The following ACACB variants were observed in gnomAD, a reference collection of about 807,000 sequenced individuals.
ACACB encodes acetyl-CoA carboxylase beta, also known as acetyl-CoA carboxylase 2.
ACACB carries 209 observed loss-of-function variants against 278.8 expected under a neutral mutation model. That is an observed-to-expected ratio of 0.75 (90% CI 0.67 to 0.84). The LOEUF is 0.84. Among genes scored for constraint, ACACB ranks in the 40% least tolerant of loss-of-function variants. The pLI, the probability that ACACB is intolerant of heterozygous loss-of-function variation, is 0.00. For synonymous variants in ACACB, 1,174 were observed against 1,285.6 expected (o/e 0.91, Z 1.86); for missense variants, 2,850 against 3,269.0 (o/e 0.87, Z 3.13).
chr12:109,222,746 C>A, intron 25 of ACACB, 53 bp from the exon 26 acceptor site: 1 of 1,569,128 alleles, frequency 6.4e-7, no homozygotes, highest in Non-Finnish European at 8.8e-7. Flanking sequence ...GAGCCTCTGC[C>A]TTCTGCCCTG....
chr12:109,138,810 G>A (rs866587298), intron 1 of ACACB, among the ~76,000 whole-genome samples: 9 of 152,084 alleles, frequency 5.9e-5, no homozygotes, highest in Non-Finnish European at 1.0e-4. Flanking sequence ...CAGAGATTGC[G>A]GCACTGCACT....
At chr12:109,114,044 G>A (rs1368801727), upstream of ACACB, among the ~76,000 whole-genome samples, 1 of 152,022 alleles carries the variant, frequency 6.6e-6, no homozygotes, top group Non-Finnish European at 1.5e-5. Flanking sequence ...CAGTGACTCA[G>A]TCATGGCTCA....
chr12:109,226,448 C>G (rs1210215926), intron 27 of ACACB, among the ~76,000 whole-genome samples: 1 of 152,044 alleles, frequency 6.6e-6, no homozygotes, highest in Non-Finnish European at 1.5e-5. Flanking sequence ...GCCTGTAATC[C>G]CAGCACTTTG....
At chr12:109,251,140 T>C (rs1046210057) in intron 41 of ACACB, among the ~76,000 whole-genome samples, 4 of 152,218 alleles carry the variant, frequency 2.6e-5, no homozygotes, top group African/African-American at 9.6e-5. Flanking sequence ...TTAGCATGCA[T>C]GCTTGAGCCC....
rs528245074 is a variant in ACACB at position 109,266,171 on chromosome 12, C to T, written c.7251-65C>T. ...GGTGTGGCCCCACACAAGGACTCTG[C>T]CACCCTTGGGGCCACTGAAAAAGTG... is the stretch of plus-strand genomic sequence containing the variant. On this transcript the variant is annotated intron_variant, in intron 52 of 52. Transcript: ENST00000338432. The T allele has an allele frequency of 1.4e-4, 220 of 1,564,310 alleles. 2 individuals are homozygous for T. The African/African-American group carries it at 2.8e-3, about 20-fold the overall frequency.
At chr12:109,252,914 C>A in intron 42 of ACACB, 101 bp from the exon 43 acceptor site, 1 of 1,206,206 alleles carries the variant, frequency 8.3e-7, no homozygotes, top group Non-Finnish European at 1.1e-6. Flanking sequence ...CTGGGTGATT[C>A]TAATGTGTAG....
At position 109,264,278 on chromosome 12, in the gene ACACB, G is replaced by T; in HGVS notation, c.6834G>T (p.Arg2278=). 6.2e-7 allele frequency: 1 copy of T among 1,614,202 alleles called. No individual in the cohort carries two copies. Among genetic ancestry groups the T allele is most frequent in the South Asian group, 1.1e-5 (1 of 91,086 alleles). The part of the protein sequence containing the change: ...SDKDRKDLEG[R]LKAREDLLLP... ...AGGACCGAAAGGACCTGGAGGGCCGGCTAAAGGCTCGCGAGGACCTGCTGC... is the reference window on the plus strand; with the variant it reads ...AGGACCGAAAGGACCTGGAGGGCCGTCTAAAGGCTCGCGAGGACCTGCTGC... The change falls in exon 50 of 53, where the codon CGG becomes CGT. Residue 2278 remains arginine, a synonymous_variant. Coordinates refer to ENST00000338432, the MANE Select transcript of ACACB (RefSeq NM_001093.4).
intron 2 of ACACB, among the ~76,000 whole-genome samples, chr12:109,140,947 T>C (rs543788795): frequency 6.7e-6 from 1 of 148,568 alleles, no homozygotes; most frequent in East Asian, 2.1e-4. Flanking sequence ...CTCTGTTAGC[T>C]GAGTGTACTG....
rs1295008109 is a variant in ACACB at position 109,216,880 on chromosome 12, C to T, written c.3524C>T (p.Ala1175Val). The change falls in exon 24 of 53, where the codon GCA becomes GTA. Residue 1175 changes from alanine (A) to valine (V), a missense_variant. Around this residue, in one of 3 missense-constraint regions of ACACB, gnomAD observed 2,265 missense variants for 2,561.3 expected, o/e 0.88. Transcript: ENST00000338432. ...GTGCTGGACTGCATCTTCTCCCACGCACAGGTGGCCAAGAAGAACCAGCTG... is the reference window on the plus strand; with the variant it reads ...GTGCTGGACTGCATCTTCTCCCACGTACAGGTGGCCAAGAAGAACCAGCTG... ...SQVLDCIFSH[A>V]QVAKKNQLVI... 1.2e-6 allele frequency: 2 copies of T among 1,613,858 alleles called. No individual in the cohort carries two copies. Among genetic ancestry groups the T allele is most frequent in the Non-Finnish European group, 1.7e-6 (2 of 1,180,026 alleles).
the ACACB span, chr12:109,111,558 T>C: frequency 1.4e-5 from 2 of 141,336 alleles, no homozygotes; most frequent in African/African-American, 5.4e-5. Flanking sequence ...CTTTCTTTCT[T>C]TTTCTTTTTT....
chr12:109,187,030 G>A (rs555198380), intron 12 of ACACB, among the ~76,000 whole-genome samples: 3 of 152,006 alleles, frequency 2.0e-5, no homozygotes, highest in African/African-American at 7.2e-5. Context: ...GGTGTGTGTT[G>A]GCAGCAGCCT....
chr12:109,198,959 G>A (rs186682220), intron 17 of ACACB, among the ~76,000 whole-genome samples: 2 of 151,898 alleles, frequency 1.3e-5, no homozygotes, highest in African/African-American at 2.4e-5. Flanking sequence ...AGGCTGAGGC[G>A]GGCGGATCAT....
chr12:109,122,303 A>T (rs1433213699), intron 1 of ACACB, among the ~76,000 whole-genome samples: 1 of 152,222 alleles, frequency 6.6e-6, no homozygotes, highest in Non-Finnish European at 1.5e-5. Flanking sequence ...GTGGAATGAG[A>T]CAATGATTAT....
intron 17 of ACACB, among the ~76,000 whole-genome samples, chr12:109,197,894 T>C (rs944147961): frequency 3.9e-5 from 6 of 152,070 alleles, no homozygotes; most frequent in African/African-American, 1.4e-4. Context: ...TATTTTGTTA[T>C]CTCCTTTTTT....
intron 12 of ACACB, 71 bp downstream of exon 12, chr12:109,185,811 C>T: frequency 6.8e-7 from 1 of 1,473,170 alleles, no homozygotes; most frequent in Non-Finnish European, 9.1e-7. Context: ...TGGATGTTAG[C>T]CTGGGAAGAG....
chr12:109,131,263 A>G (rs1642036), intron 1 of ACACB: 21,590 of 152,632 alleles, frequency 0.14, 3,329 homozygotes, highest in African/African-American at 0.38. Context: ...ACGCTCACCC[A>G]TGTCGGAGTG....
intron 2 of ACACB, among the ~76,000 whole-genome samples, chr12:109,152,640 C>CTTTCTTTTTTTTT (rs1292930727): frequency 2.7e-5 from 2 of 74,840 alleles, no homozygotes; most frequent in Admixed American, 1.8e-4. Context: ...TTCTTTCTTT[C>CTTTCTTTTTTTTT]TTTTTTTTTT....
intron 27 of ACACB, 96 bp from the exon 28 acceptor site, chr12:109,227,275 T>A: frequency 9.4e-7 from 1 of 1,065,210 alleles, no homozygotes; most frequent in Non-Finnish European, 1.4e-6. Flanking sequence ...ATTTTAGAGG[T>A]CATTTCTGGT....
intron 24 of ACACB, among the ~76,000 whole-genome samples, chr12:109,218,043 C>G (rs1207098356): frequency 3.3e-5 from 5 of 152,178 alleles, no homozygotes; most frequent in African/African-American, 1.2e-4. Flanking sequence ...CACCCAGCTC[C>G]TAAATGTAGA....
Sources: gnomAD v4.1 joint callset for allele counts (sites outside exome capture counted in the v4.1 genomes callset) on GRCh38, gnomAD v4.1.1 for gene constraint, gnomAD v4.1.1 regional missense constraint, MANE v1.5 for transcripts, NCBI Gene and HGNC (gene_info 2026-07-23, HGNC 2026-07-21) for gene names.